Variants in DCDC1 observed in about 807,000 individuals in gnomAD.
DCDC1 encodes doublecortin domain-containing protein 1.
In DCDC1, 200 loss-of-function variants were observed where a neutral mutation model predicts 178.3. The observed-to-expected ratio is 1.12, with a 90% CI of 1.00 to 1.26. DCDC1 has a LOEUF of 1.26. Among genes scored for constraint, DCDC1 ranks in the 50% most tolerant of loss-of-function variants. The pLI, the probability that DCDC1 is intolerant of heterozygous loss-of-function variation, is 0.00. For missense variants in DCDC1, 1,983 were observed against 1,749.2 expected, an observed-to-expected ratio of 1.13 and a Z score of -2.38; for synonymous variants, 690 against 604.8, an observed-to-expected ratio of 1.14 and a Z score of -2.07.
At chr11:31,315,218 T>C (rs1949003492) in intron 3 of DCDC1, among the ~76,000 whole-genome samples, 1 of 150,802 alleles carries the variant, frequency 6.6e-6, no homozygotes, top group Admixed American at 6.6e-5. Context: ...CAACAATTTC[T>C]ACCAAGTGGT....
chr11:30,885,069 A>G (rs1368301526), intron 36 of DCDC1, among the ~76,000 whole-genome samples: 1 of 152,008 alleles, frequency 6.6e-6, no homozygotes, highest in Non-Finnish European at 1.5e-5. Context: ...AGTAATACAT[A>G]CTTTACATAA....
At chr11:31,036,590 C>A (rs957120228) in intron 20 of DCDC1, among the ~76,000 whole-genome samples, 1 of 152,126 alleles carries the variant, frequency 6.6e-6, no homozygotes, top group Admixed American at 6.5e-5. Context: ...TTTAGTAAAA[C>A]AGGATTATAA....
At chr11:31,048,163 T>C (rs941724943) in intron 20 of DCDC1, among the ~76,000 whole-genome samples, 2 of 152,208 alleles carry the variant, frequency 1.3e-5, no homozygotes, top group South Asian at 4.1e-4. Context: ...CACACTAATC[T>C]GACTGTAGTT....
chr11:30,997,527 C>T (rs949954112), intron 20 of DCDC1, among the ~76,000 whole-genome samples: 3 of 151,656 alleles, frequency 2.0e-5, no homozygotes, highest in African/African-American at 4.8e-5. Context: ...GATAAAAAGA[C>T]AAAGACAAAA....
intron 9 of DCDC1, among the ~76,000 whole-genome samples, chr11:31,197,894 T>C (rs1325293778): frequency 6.6e-6 from 1 of 152,082 alleles, no homozygotes; most frequent in African/African-American, 2.4e-5. Context: ...TTGAATACCT[T>C]ACTTAAGTAC....
intron 20 of DCDC1, among the ~76,000 whole-genome samples, chr11:30,986,744 G>A (rs557958769): frequency 6.6e-6 from 1 of 152,106 alleles, no homozygotes; most frequent in Non-Finnish European, 1.5e-5. Context: ...AAGAAAGAAT[G>A]AAAATTTGTA....
chr11:31,345,347 C>G (rs1950759595), intron 1 of DCDC1, among the ~76,000 whole-genome samples: 1 of 152,092 alleles, frequency 6.6e-6, no homozygotes, highest in South Asian at 2.1e-4. Context: ...CTATAGAATT[C>G]AGGTCTGGGG....
rs1371108665 is a variant in DCDC1, at chr11:31,110,278, A to G, written c.1569T>C (p.Thr523=). 2.8e-6 allele frequency: 2 copies of G among 716,726 alleles called. No homozygotes were observed. The highest frequency in any genetic ancestry group is 2.9e-5 in the South Asian group (2 of 68,526). 44.4% of individuals were successfully genotyped at this position (716,726 alleles called of 1,614,324 possible). A position where few individuals can be genotyped will look rare whatever the true frequency, so the allele number is the denominator to read the frequency against. Residue 523 remains threonine (T), a synonymous_variant, in exon 12 of 39, where the codon ACT becomes ACC. Coordinates refer to ENST00000684477, the MANE Select transcript of DCDC1 (RefSeq NM_001387274.1). ...AACTCACTCTTTCCATCATATGGTC[A>G]GTTTGAATTGGGCTATCCGATCCCA... ...KDLGSDSPIQ[T]DHMMERLLLK...
intron 20 of DCDC1, among the ~76,000 whole-genome samples, chr11:31,004,470 G>A (rs988698227): frequency 3.3e-5 from 5 of 149,602 alleles, no homozygotes; most frequent in African/African-American, 4.9e-5. Flanking sequence ...TCAGGAGATC[G>A]AGACCATCCT....
chr11:30,941,685 C>T (rs1342292908), intron 21 of DCDC1, among the ~76,000 whole-genome samples: 1 of 152,078 alleles, frequency 6.6e-6, no homozygotes, highest in Admixed American at 6.6e-5. Flanking sequence ...ATTATATTAA[C>T]TTACATTCCC....
intron 17 of DCDC1, among the ~76,000 whole-genome samples, chr11:31,083,501 G>A (rs533736083): frequency 1.2e-4 from 18 of 152,268 alleles, no homozygotes; most frequent in African/African-American, 3.4e-4. Context: ...CAAAGGGAAC[G>A]GTGGAGAATA....
At chr11:31,122,580 A>G (rs1371727918) in intron 11 of DCDC1, among the ~76,000 whole-genome samples, 1 of 152,142 alleles carries the variant, frequency 6.6e-6, no homozygotes, top group Non-Finnish European at 1.5e-5. Context: ...AATTCTACAT[A>G]GCCAACTCAC....
chr11:31,333,018 G>A (rs1950081502), intron 2 of DCDC1, among the ~76,000 whole-genome samples: 1 of 152,158 alleles, frequency 6.6e-6, no homozygotes, highest in East Asian at 1.9e-4. Context: ...GAGAGTCAAA[G>A]TCTCTTTGTA....
chr11:31,277,884 C>T (rs1946107978), intron 7 of DCDC1, among the ~76,000 whole-genome samples: 1 of 151,954 alleles, frequency 6.6e-6, no homozygotes, highest in Non-Finnish European at 1.5e-5. Context: ...TTTTATAATG[C>T]TGTATTTACA....
At chr11:30,960,264 C>A (rs958793885) in intron 20 of DCDC1, among the ~76,000 whole-genome samples, 3 of 152,134 alleles carry the variant, frequency 2.0e-5, no homozygotes, top group Non-Finnish European at 4.4e-5. Context: ...TACAGTTTTT[C>A]ATTATCTGGT....
chr11:31,268,485 G>A (rs1045334330), intron 7 of DCDC1, among the ~76,000 whole-genome samples: 2 of 152,150 alleles, frequency 1.3e-5, no homozygotes, highest in Non-Finnish European at 2.9e-5. Context: ...TTGGTTTTCT[G>A]TTCCTGCATT....
At chr11:31,096,827 G>A (rs1437005884) in intron 15 of DCDC1, among the ~76,000 whole-genome samples, 3 of 152,054 alleles carry the variant, frequency 2.0e-5, no homozygotes, top group Non-Finnish European at 4.4e-5. Context: ...CCAAACGAGG[G>A]TGGGAAGTTA....
chr11:30,880,371 G>A (rs1292408391), intron 37 of DCDC1, among the ~76,000 whole-genome samples: 2 of 152,118 alleles, frequency 1.3e-5, no homozygotes, highest in Admixed American at 6.6e-5. Context: ...CTATCCTTTT[G>A]TCCCTTCTGG....
chr11:30,906,280 C>A, intron 30 of DCDC1: 1 of 362,866 alleles, frequency 2.8e-6, no homozygotes, highest in Non-Finnish European at 5.0e-6. Context: ...ACACTGAGAA[C>A]AGTGAAATAT....
Sources: allele counts gnomAD v4.1 joint callset (sites outside exome capture counted in the v4.1 genomes callset), GRCh38; gene constraint gnomAD v4.1.1; transcripts MANE v1.5; gene names NCBI Gene and HGNC (gene_info 2026-07-23, HGNC 2026-07-21).